Variants in TRIM71 observed in about 807,000 individuals in gnomAD.
The protein encoded by TRIM71 is E3 ubiquitin-protein ligase TRIM71.
TRIM71 carries 9 observed loss-of-function variants against 61.2 expected under a neutral mutation model. The observed-to-expected ratio is 0.15, with a 90% CI of 0.09 to 0.26. TRIM71 has a LOEUF of 0.26. Ranked by LOEUF, TRIM71 falls within the 10% of genes least tolerant of loss-of-function variation. TRIM71 has a pLI of 1.00. For synonymous variants in TRIM71, 645 were observed against 553.2 expected (o/e 1.17, Z -2.33); for missense variants, 998 against 1,238.7 (o/e 0.81, Z 2.92).
chr3:32,822,675 T>G (rs538248957), intron 1 of TRIM71, among the ~76,000 whole-genome samples: 2 of 152,224 alleles, frequency 1.3e-5, no homozygotes, highest in African/African-American at 4.8e-5. Context: ...TTCATGTTCT[T>G]GCATAAATTA....
intron 1 of TRIM71, among the ~76,000 whole-genome samples, chr3:32,824,816 A>G (rs1227299353): frequency 6.6e-6 from 1 of 151,560 alleles, no homozygotes; most frequent in Non-Finnish European, 1.5e-5. Flanking sequence ...TTTTCTTGAG[A>G]TGGAGTCTCG....
chr3:32,853,923 G>A (rs1362354062), intron 1 of TRIM71, among the ~76,000 whole-genome samples: 1 of 151,994 alleles, frequency 6.6e-6, no homozygotes, highest in African/African-American at 2.4e-5. Context: ...AGAATCATTT[G>A]AACTCAAGAG....
At chr3:32,824,056 C>CAG (rs35493295) in intron 1 of TRIM71, among the ~76,000 whole-genome samples, 147,209 of 152,214 alleles carry the variant, frequency 0.97, 71,379 homozygotes, top group East Asian at 1. Flanking sequence ...ACCTGGGCAA[C>CAG]AGTGAGACTT....
intron 1 of TRIM71, among the ~76,000 whole-genome samples, chr3:32,828,254 G>A (rs1696226312): frequency 6.6e-6 from 1 of 152,098 alleles, no homozygotes; most frequent in African/African-American, 2.4e-5. Context: ...AAATGTTGTA[G>A]ATAAGCATTG....
chr3:32,835,833 C>T (rs2125677479), intron 1 of TRIM71, among the ~76,000 whole-genome samples: 1 of 151,276 alleles, frequency 6.6e-6, no homozygotes, highest in Non-Finnish European at 1.5e-5. Context: ...TGTACCCCGT[C>T]CCACTTCTTT....
At chr3:32,841,898 T>C (rs1260627093) in intron 1 of TRIM71, among the ~76,000 whole-genome samples, 2 of 152,168 alleles carry the variant, frequency 1.3e-5, no homozygotes, top group Admixed American at 1.3e-4. Context: ...GAAACTTCTG[T>C]ACTCAAGTGA....
intron 1 of TRIM71, among the ~76,000 whole-genome samples, chr3:32,872,176 C>A (rs1696803765): frequency 2.6e-5 from 4 of 152,042 alleles, no homozygotes; most frequent in Admixed American, 2.6e-4. Flanking sequence ...AAGTAGGATC[C>A]ATAAAAACCT....
At position 32,865,784 on chromosome 3, in the gene TRIM71, GCCCGCCGGCCCCCCCCCCCC is replaced by G. The variant is rs1438872529; in HGVS notation, c.853-8027_853-8008del. Among the ~76,000 whole-genome samples, 12 of 9,050 alleles carry G rather than the reference GCCCGCCGGCCCCCCCCCCCC, an allele frequency of 1.3e-3. 1 individual carries two copies. Among genetic ancestry groups the G allele is most frequent in the African/African-American group, 3.8e-3 (10 of 2,642 alleles). 5.9% of individuals were successfully genotyped at this position (9,050 alleles called of 152,430 possible). A position where few individuals can be genotyped will look rare whatever the true frequency, so the allele number is the denominator to read the frequency against. ...CACTATCTGGACCTTTTAATTTGCC[GCCCGCCGGCCCCCCCCCCCC>G]CCCGCCCCACCTTTTTTTTTTTTTT... On this transcript the variant is annotated intron_variant, in intron 1 of 3. Transcript: ENST00000383763.
chr3:32,879,999 T>C lies in TRIM71; in HGVS notation c.1021-5935T>C, dbSNP rs569181752. ...TGGGTTTTTCTTTTATTTTCTTTTT[T>C]ATCTATGAAGTGCAATAAAATGAGG... On this transcript the variant is annotated intron_variant, in intron 2 of 3. Coordinates refer to ENST00000383763, the MANE Select transcript of TRIM71 (RefSeq NM_001039111.3). Among the ~76,000 whole-genome samples, 5 of 152,212 alleles carry C rather than the reference T, an allele frequency of 3.3e-5. No individual in the cohort carries two copies. The South Asian group carries it at 1.0e-3, about 32-fold the overall frequency.
chr3:32,874,997 T>G (rs1175779659), intron 2 of TRIM71, among the ~76,000 whole-genome samples: 2 of 152,034 alleles, frequency 1.3e-5, no homozygotes, highest in Admixed American at 6.6e-5. Flanking sequence ...ATTTTTCTAT[T>G]TTTAGTAGAG....
intron 1 of TRIM71, among the ~76,000 whole-genome samples, chr3:32,824,685 T>C (rs186739157): frequency 4.2e-4 from 64 of 152,306 alleles, no homozygotes; most frequent in Middle Eastern, 3.4e-3. Context: ...CGTTTCGCCA[T>C]GTTGCCCAGG....
intron 1 of TRIM71, among the ~76,000 whole-genome samples, chr3:32,838,748 G>A (rs919669357): frequency 3.9e-5 from 6 of 152,010 alleles, no homozygotes; most frequent in African/African-American, 1.2e-4. Flanking sequence ...CAGATTGGTG[G>A]TTTCCATTCC....
intron 2 of TRIM71, among the ~76,000 whole-genome samples, chr3:32,876,682 T>A (rs1696855633): frequency 6.6e-6 from 1 of 152,184 alleles, no homozygotes; most frequent in South Asian, 2.1e-4. Context: ...CTTAAGAGAT[T>A]GAAAACAGTT....
At position 32,818,173 on chromosome 3, in the gene TRIM71, G is replaced by C; in HGVS notation, c.93G>C (p.Ala31=). 2 of 1,601,890 alleles carry C rather than the reference G, an allele frequency of 1.2e-6. No homozygotes were observed. The highest frequency in any genetic ancestry group is 1.7e-6 in the Non-Finnish European group (2 of 1,175,094). Reference sequence around the variant, plus strand: ...CGCCGCTCTCCTCCAACTCGTCCGCGTCGTCGTCCTCCTCGCAGACGTCCA... The same window carrying C: ...CGCCGCTCTCCTCCAACTCGTCCGCCTCGTCGTCCTCCTCGCAGACGTCCA... The part of the protein sequence containing the change: ...SPAPLSSNSS[A]SSSSSQTSTS... The change falls in exon 1 of 4, where the codon GCG becomes GCC. Residue 31 remains alanine, a synonymous_variant. Coordinates refer to ENST00000383763, the MANE Select transcript of TRIM71 (RefSeq NM_001039111.3).
intron 1 of TRIM71, among the ~76,000 whole-genome samples, chr3:32,857,827 C>G (rs1469932547): frequency 3.9e-5 from 6 of 152,016 alleles, no homozygotes; most frequent in Non-Finnish European, 7.4e-5. Context: ...AAAAATTAGC[C>G]GGGTGTGGTA....
At chr3:32,824,842 T>C (rs1323130725) in intron 1 of TRIM71, among the ~76,000 whole-genome samples, 1 of 152,186 alleles carries the variant, frequency 6.6e-6, no homozygotes, top group African/African-American at 2.4e-5. Context: ...TCACCCAGGC[T>C]GGAGTTCAGT....
At chr3:32,874,324 TTAC>T (rs34214588) in intron 2 of TRIM71, among the ~76,000 whole-genome samples, 37,388 of 121,252 alleles carry the variant, frequency 0.31, 5,483 homozygotes, top group East Asian at 0.5. Flanking sequence ...TTAATGCTTA[TTAC>T]TACTACTACT....
intron 1 of TRIM71, among the ~76,000 whole-genome samples, chr3:32,864,844 TG>T (rs1232913739): frequency 1.6e-5 from 2 of 127,604 alleles, no homozygotes; most frequent in African/African-American, 6.2e-5. Context: ...AAAAATTAAG[TG>T]GTGTGTGTGT....
At chr3:32,863,160 C>G (rs74842145) in intron 1 of TRIM71, among the ~76,000 whole-genome samples, 2,458 of 151,086 alleles carry the variant, frequency 0.016, 56 homozygotes, top group East Asian at 0.12. Context: ...AAGGATTCTC[C>G]CCTCACTTTT....
Sources: gnomAD v4.1 joint callset for allele counts (sites outside exome capture counted in the v4.1 genomes callset) on GRCh38, gnomAD v4.1.1 for gene constraint, MANE v1.5 for transcripts, NCBI Gene and HGNC (gene_info 2026-07-23, HGNC 2026-07-21) for gene names.